The following SLC22A25 variants were observed in gnomAD, a reference collection of about 807,000 sequenced individuals.
SLC22A25 encodes MGI:2442751, MGI:2385316, MGI:3042283, MGI:3645714, MGI:3605624, MGI:2442750.
Under a neutral mutation model 45.9 loss-of-function variants are expected in SLC22A25, and 44 were observed. That is an observed-to-expected ratio of 0.96 (90% CI 0.75 to 1.23). The LOEUF (loss-of-function observed/expected upper bound fraction) is 1.23. Among genes scored for constraint, SLC22A25 ranks in the 50% most tolerant of loss-of-function variants. The probability of loss-of-function intolerance (pLI) is 0.00; values close to 1 mark genes in which losing one functional copy is unlikely to be tolerated. For missense variants in SLC22A25, 800 were observed against 666.4 expected (o/e 1.20, Z -2.21); for synonymous variants, 283 against 238.6 (o/e 1.19, Z -1.72).
chr11:63,213,244 T>A lies in SLC22A25; in HGVS notation c.830+4070A>T, dbSNP rs187176470. On this transcript the variant is annotated intron_variant, in intron 7 of 11. Transcript: ENST00000306494. The stretch of plus-strand genomic sequence containing the variant: ...ATCAAAGGAAAGGAAAGAGAGCCCC[T>A]CCTATGGGAAAAGGAACAGGAAAAG... Among the ~76,000 whole-genome samples the A allele has an allele frequency of 5.9e-5, 9 of 152,164 alleles. No homozygotes were observed. In the East Asian group the frequency reaches 1.5e-3, roughly 26 times the overall value.
chr11:63,187,780 G>A (rs1015769802), intron 7 of SLC22A25, among the ~76,000 whole-genome samples: 15 of 152,034 alleles, frequency 9.9e-5, no homozygotes, highest in Admixed American at 2.0e-4. Context: ...ATCAAAGGCC[G>A]TTTCTGCATC....
chr11:63,241,570 G>T (rs772482498), intron 1 of SLC22A25, among the ~76,000 whole-genome samples: 1 of 151,956 alleles, frequency 6.6e-6, no homozygotes, highest in Non-Finnish European at 1.5e-5. Context: ...CTTACCTCAG[G>T]ATTATCTTAT....
chr11:63,229,064 A>G (rs1230354299), intron 4 of SLC22A25, among the ~76,000 whole-genome samples, 187 bp downstream of exon 4: 2 of 152,196 alleles, frequency 1.3e-5, no homozygotes, highest in Admixed American at 6.5e-5. Context: ...GGTCACATCT[A>G]CTTTTGAATT....
At chr11:63,207,098 C>T (rs2089426528) in intron 7 of SLC22A25, among the ~76,000 whole-genome samples, 1 of 150,850 alleles carries the variant, frequency 6.6e-6, no homozygotes, top group Non-Finnish European at 1.5e-5. Context: ...CTGAGGGGTC[C>T]ACCTTATACA....
chr11:63,186,233 A>G (rs926822011), intron 7 of SLC22A25, among the ~76,000 whole-genome samples: 1 of 140,258 alleles, frequency 7.1e-6, no homozygotes, highest in African/African-American at 2.6e-5. Flanking sequence ...AATGATCACC[A>G]TTCTAACTGG....
At chr11:63,183,580 T>C in intron 8 of SLC22A25, 114 bp downstream of exon 8, 2 of 1,338,666 alleles carry the variant, frequency 1.5e-6, no homozygotes, top group Non-Finnish European at 2.1e-6. Flanking sequence ...TGAGGTGAGA[T>C]GACCCATAAC....
chr11:63,226,501 CTT>C (rs1412973363), intron 5 of SLC22A25, among the ~76,000 whole-genome samples: 4 of 152,146 alleles, frequency 2.6e-5, no homozygotes, highest in Admixed American at 6.5e-5. Flanking sequence ...CAAATGGAGT[CTT>C]TCTCTCTGTT....
intron 5 of SLC22A25, among the ~76,000 whole-genome samples, chr11:63,223,288 C>A (rs922804870): frequency 6.6e-6 from 1 of 151,978 alleles, no homozygotes; most frequent in Middle Eastern, 3.2e-3. Context: ...TTTATTACAG[C>A]TTCAATCTCA....
intron 9 of SLC22A25, among the ~76,000 whole-genome samples, chr11:63,173,740 G>C (rs759424720): frequency 5.9e-5 from 9 of 152,038 alleles, no homozygotes; most frequent in African/African-American, 2.2e-4. Flanking sequence ...TTCTCTCTCT[G>C]TGCATGATTC....
chr11:63,190,606 G>A (rs777093079), intron 7 of SLC22A25, among the ~76,000 whole-genome samples: 4 of 152,040 alleles, frequency 2.6e-5, no homozygotes, highest in Non-Finnish European at 5.9e-5. Flanking sequence ...CATTCCTTTG[G>A]AGGAGGAGAG....
chr11:63,225,139 TAA>T (rs965441062), intron 5 of SLC22A25, among the ~76,000 whole-genome samples: 1 of 152,102 alleles, frequency 6.6e-6, no homozygotes, highest in Non-Finnish European at 1.5e-5. Context: ...TAAAATAAAA[TAA>T]AAAAGTTGTT....
Position 63,183,884 on chromosome 11 carries a change from C to A in SLC22A25, c.831-67G>T. 13 of 1,599,040 alleles carry A rather than the reference C, an allele frequency of 8.1e-6. No individual in the cohort carries two copies. In the South Asian group the frequency reaches 1.3e-4, roughly 17 times the overall value. ...ACTCATTTTTTCACATAACATTTATCCTGAGATGCCTTTCCCCTCTAAGCT... is the reference window on the plus strand; with the variant it reads ...ACTCATTTTTTCACATAACATTTATACTGAGATGCCTTTCCCCTCTAAGCT... On this transcript the variant is annotated intron_variant, in intron 7 of 11. Transcript: ENST00000306494.
At chr11:63,192,173 G>T (rs2088840306) in intron 7 of SLC22A25, among the ~76,000 whole-genome samples, 1 of 152,124 alleles carries the variant, frequency 6.6e-6, no homozygotes, top group Admixed American at 6.6e-5. Context: ...AAGAGATTGG[G>T]GATGAATATT....
chr11:63,186,149 C>T, intron 7 of SLC22A25, among the ~76,000 whole-genome samples: 1 of 127,794 alleles, frequency 7.8e-6, no homozygotes, highest in Non-Finnish European at 1.7e-5. Context: ...AACTAGTTTA[C>T]AGTCCCACCG....
At position 63,217,359 on chromosome 11, in the gene SLC22A25, T is replaced by C; in HGVS notation, c.785A>G (p.Gln262Arg). The change falls in exon 7 of 12, where the codon CAG becomes CGG. Residue 262 changes from glutamine to arginine, a missense_variant. Physicochemically the swap from Gln to Arg is conservative, Grantham distance 43. Transcript: ENST00000306494. The part of the protein sequence containing the change: ...AFVIRDQCIL[Q>R]LVMSAPCFVF... ...AAAGCATGGTGCAGACATCACCAAC[T>C]GGAGGATGCACTGGTCTCGAATGAC... is the stretch of plus-strand genomic sequence containing the variant. The C allele has an allele frequency of 6.2e-7, 1 of 1,614,002 alleles. No individual in the cohort carries two copies. The highest frequency in any genetic ancestry group is 8.5e-7 in the Non-Finnish European group (1 of 1,179,986).
At chr11:63,186,040 A>G (rs1256322353) in intron 7 of SLC22A25, among the ~76,000 whole-genome samples, 3 of 151,802 alleles carry the variant, frequency 2.0e-5, no homozygotes, top group African/African-American at 4.8e-5. Context: ...ATGATTTATA[A>G]TCCTTTGGGT....
In SLC22A25 at chr11:63,229,599, G is replaced by A. The variant is rs199592346; in HGVS notation, c.54C>T (p.Ile18=). Residue 18 remains isoleucine (I), a synonymous_variant, in exon 4 of 12, where the codon ATC becomes ATT. Coordinates refer to ENST00000306494, the MANE Select transcript of SLC22A25 (RefSeq NM_199352.6). ...ACATTATAAGGAAAACCATCTGAAG[G>A]ATCTGGAATCTCCCCAGGCCTCCAA... ...DQVGGLGRFQ[I]LQMVFLIMFN... is the part of the protein sequence containing the mutation. 6.2e-7 allele frequency: 1 copy of A among 1,612,990 alleles called. No homozygotes were observed. The highest frequency in any genetic ancestry group is 2.2e-5 in the East Asian group (1 of 44,840).
At chr11:63,211,982 A>G (rs2134802319) in intron 7 of SLC22A25, among the ~76,000 whole-genome samples, 1 of 151,444 alleles carries the variant, frequency 6.6e-6, no homozygotes. Context: ...AAAAAAACAA[A>G]CAACCCCATC....
chr11:63,187,067 TC>T (rs1025209461), intron 7 of SLC22A25, among the ~76,000 whole-genome samples: 1 of 152,174 alleles, frequency 6.6e-6, no homozygotes, highest in Non-Finnish European at 1.5e-5. Flanking sequence ...AGTAGTTTTT[TC>T]CAATTCTATG....
Sources: gnomAD v4.1 joint callset for allele counts (sites outside exome capture counted in the v4.1 genomes callset) on GRCh38, gnomAD v4.1.1 for gene constraint, MANE v1.5 for transcripts, NCBI Gene and HGNC (gene_info 2026-07-23, HGNC 2026-07-21) for gene names.